Variants in C12orf54 observed in about 807,000 individuals in gnomAD.
The protein encoded by C12orf54 is uncharacterized protein C12orf54.
In C12orf54, 24 loss-of-function variants were observed where a neutral mutation model predicts 26.4. That is an observed-to-expected ratio of 0.91 (90% CI 0.66 to 1.28). The LOEUF (loss-of-function observed/expected upper bound fraction) is 1.28, where lower values mean the gene tolerates loss of function less well. Ranked by LOEUF, C12orf54 falls within the 50% of genes most tolerant of loss-of-function variation. The pLI, the probability that C12orf54 is intolerant of heterozygous loss-of-function variation, is 0.00. For synonymous variants in C12orf54, 54 were observed against 47.0 expected, an observed-to-expected ratio of 1.15 and a Z score of -0.61; for missense variants, 154 against 150.9, an observed-to-expected ratio of 1.02 and a Z score of -0.11.
upstream of C12orf54, among the ~76,000 whole-genome samples, chr12:48,479,561 A>G (rs1954177723): frequency 6.6e-6 from 1 of 151,696 alleles, no homozygotes; most frequent in South Asian, 2.1e-4. Flanking sequence ...TTAGGGACCT[A>G]AGTGCTGGAG....
chr12:48,439,618 A>G, the C12orf54 span, among the ~76,000 whole-genome samples: 2 of 152,266 alleles, frequency 1.3e-5, no homozygotes, highest in South Asian at 2.1e-4. Flanking sequence ...GAAGCTGGAA[A>G]CCATCATTCT....
chr12:48,472,025 T>C, the C12orf54 span, among the ~76,000 whole-genome samples: 1 of 152,314 alleles, frequency 6.6e-6, no homozygotes, highest in Non-Finnish European at 1.5e-5. Context: ...CTTTGAGCAG[T>C]GATTTGTAGT....
At chr12:48,475,896 C>T in the C12orf54 span, among the ~76,000 whole-genome samples, 104 of 151,294 alleles carry the variant, frequency 6.9e-4, no homozygotes, top group Middle Eastern at 6.8e-3. Flanking sequence ...ATACAGAGAA[C>T]GCCACAAAGA....
At chr12:48,461,062 A>C in the C12orf54 span, among the ~76,000 whole-genome samples, 1 of 152,012 alleles carries the variant, frequency 6.6e-6, no homozygotes, top group Non-Finnish European at 1.5e-5. Flanking sequence ...ATATCAAAAG[A>C]AAAGTGATGG....
chr12:48,456,497 G>A, the C12orf54 span, among the ~76,000 whole-genome samples: 1 of 152,184 alleles, frequency 6.6e-6, no homozygotes, highest in Non-Finnish European at 1.5e-5. Context: ...AGAGAGATGT[G>A]AACAGGTAGC....
At chr12:48,444,937 C>G in the C12orf54 span, among the ~76,000 whole-genome samples, 1 of 152,090 alleles carries the variant, frequency 6.6e-6, no homozygotes, top group Non-Finnish European at 1.5e-5. Flanking sequence ...CTTTGGGAGG[C>G]CGAGGTGGGC....
At chr12:48,437,303 G>C in the C12orf54 span, among the ~76,000 whole-genome samples, 1 of 152,194 alleles carries the variant, frequency 6.6e-6, no homozygotes, top group Non-Finnish European at 1.5e-5. Flanking sequence ...TGGATTCACA[G>C]CTGAATTCTA....
At chr12:48,420,764 A>G in the C12orf54 span, among the ~76,000 whole-genome samples, 1 of 152,226 alleles carries the variant, frequency 6.6e-6, no homozygotes, top group Admixed American at 6.5e-5. Flanking sequence ...CCCTGTGTTG[A>G]AAAACTCCCC....
chr12:48,439,509 C>G, the C12orf54 span, among the ~76,000 whole-genome samples: 1 of 152,240 alleles, frequency 6.6e-6, no homozygotes, highest in East Asian at 1.9e-4. Context: ...AAATGTCCAA[C>G]AATGATAGAC....
chr12:48,474,657 C>A, the C12orf54 span, among the ~76,000 whole-genome samples: 1 of 152,218 alleles, frequency 6.6e-6, no homozygotes, highest in Non-Finnish European at 1.5e-5. Context: ...CACAGCAGTC[C>A]GAGATCAAAC....
At chr12:48,430,673 T>G in the C12orf54 span, among the ~76,000 whole-genome samples, 30 of 152,080 alleles carry the variant, frequency 2.0e-4, no homozygotes, top group Non-Finnish European at 2.9e-5. Flanking sequence ...AACGTGGTGA[T>G]CAGGGAACAC....
chr12:48,440,572 C>G, the C12orf54 span, among the ~76,000 whole-genome samples: 20 of 152,326 alleles, frequency 1.3e-4, no homozygotes, highest in African/African-American at 4.3e-4. Flanking sequence ...ATTTCTACAG[C>G]ATTATTAGGG....
rs1185596904 is a variant in C12orf54 at position 48,494,930 on chromosome 12, T to C, written c.375T>C (p.Pro125=). Residue 125 remains proline (P), a synonymous_variant, in exon 8 of 9, where the codon CCT becomes CCC. Coordinates refer to ENST00000548364, the MANE Select transcript of C12orf54 (RefSeq NM_152319.4). The part of the protein sequence containing the change: ...TQLFSQSAYY[P]GP ...TCTTCAGTCAATCAGCTTACTACCC[T>C]GGACCCTAACTCTACAATCAAGGAA... 3 of 1,613,362 alleles carry C rather than the reference T, an allele frequency of 1.9e-6. No individual in the cohort carries two copies. The South Asian group carries it at 3.3e-5, about 18-fold the overall frequency.
At chr12:48,416,966 C>T in the C12orf54 span, among the ~76,000 whole-genome samples, 2 of 152,042 alleles carry the variant, frequency 1.3e-5, no homozygotes, top group African/African-American at 2.4e-5. Flanking sequence ...GTATGATCTC[C>T]CCTCAGTCTC....
chr12:48,457,781 T>A, the C12orf54 span, among the ~76,000 whole-genome samples: 1 of 152,090 alleles, frequency 6.6e-6, no homozygotes, highest in Non-Finnish European at 1.5e-5. Flanking sequence ...ATTCTCTACC[T>A]CCACAATGAC....
At chr12:48,480,686 C>T (rs555164694), upstream of C12orf54, among the ~76,000 whole-genome samples, 2 of 152,242 alleles carry the variant, frequency 1.3e-5, no homozygotes, top group South Asian at 4.1e-4. Flanking sequence ...TTCCATTTGA[C>T]CCATCAATCT....
the C12orf54 span, among the ~76,000 whole-genome samples, chr12:48,457,630 G>A: frequency 1.3e-5 from 2 of 152,058 alleles, no homozygotes; most frequent in East Asian, 1.9e-4. Context: ...TCTCTGCCAG[G>A]GAAAATTGTT....
chr12:48,490,052 G>A (rs1025949273), intron 5 of C12orf54, among the ~76,000 whole-genome samples: 7 of 152,172 alleles, frequency 4.6e-5, no homozygotes, highest in Middle Eastern at 6.8e-3. Context: ...TCCTTTACAC[G>A]TACTTAAAGC....
the C12orf54 span, among the ~76,000 whole-genome samples, chr12:48,448,873 T>A: frequency 6.6e-6 from 1 of 152,140 alleles, no homozygotes; most frequent in African/African-American, 2.4e-5. Flanking sequence ...GTGCCCAAGG[T>A]GGTCAGGTGC....
Sources: allele counts gnomAD v4.1 joint callset (sites outside exome capture counted in the v4.1 genomes callset), GRCh38; gene constraint gnomAD v4.1.1; transcripts MANE v1.5; gene names NCBI Gene and HGNC (gene_info 2026-07-23, HGNC 2026-07-21).